Variants in AKAP6 observed in about 807,000 individuals in gnomAD.
The protein encoded by AKAP6 is A-kinase anchor protein 6.
Under a neutral mutation model 188.5 loss-of-function variants are expected in AKAP6, and 58 were observed. That is an observed-to-expected ratio of 0.31 (90% confidence interval 0.25 to 0.38). The LOEUF (loss-of-function observed/expected upper bound fraction) is 0.38. Among genes scored for constraint, AKAP6 ranks in the 10% least tolerant of loss-of-function variants. The pLI, the probability that AKAP6 is intolerant of heterozygous loss-of-function variation, is 1.00. For missense variants in AKAP6, 2,710 were observed against 2,740.0 expected (o/e 0.99, Z 0.24); for synonymous variants, 989 against 998.6 (o/e 0.99, Z 0.18).
chr14:32,486,924 G>C (rs1474002713), intron 2 of AKAP6, among the ~76,000 whole-genome samples: 1 of 152,188 alleles, frequency 6.6e-6, no homozygotes, highest in Non-Finnish European at 1.5e-5. Flanking sequence ...TCCAGCTTTT[G>C]CCCATTCGGT....
chr14:32,738,693 T>G (rs779759778), intron 11 of AKAP6, among the ~76,000 whole-genome samples: 1 of 152,162 alleles, frequency 6.6e-6, no homozygotes, highest in Non-Finnish European at 1.5e-5. Context: ...GGAAAATGAT[T>G]GTCTTTAAGT....
At position 32,726,173 on chromosome 14, in the gene AKAP6, T is replaced by C. The variant is rs569158182; in HGVS notation, c.3001-6281T>C. ...CCATAGACTTTTCATTACATTTTCA[T>C]TCAGGACAAACAACACCTGAAGATC... On this transcript the variant is annotated intron_variant, in intron 9 of 13. Coordinates refer to ENST00000280979, the MANE Select transcript of AKAP6 (RefSeq NM_004274.5). 7 of 983,904 alleles carry C rather than the reference T, an allele frequency of 7.1e-6. No homozygotes were observed. In the East Asian group the frequency reaches 8.0e-4, roughly 112 times the overall value. The allele number at this position is 983,904 out of a possible 1,614,324, so 60.9% of individuals were successfully genotyped here.
At chr14:32,420,992 A>T (rs1249360203) in intron 1 of AKAP6, among the ~76,000 whole-genome samples, 1 of 150,438 alleles carries the variant, frequency 6.6e-6, no homozygotes, top group East Asian at 2.0e-4. Flanking sequence ...AGTCTATATT[A>T]TTCTTGGTAT....
At chr14:32,786,664 G>A (rs1032326598) in intron 12 of AKAP6, among the ~76,000 whole-genome samples, 2 of 151,810 alleles carry the variant, frequency 1.3e-5, no homozygotes, top group African/African-American at 4.8e-5. Context: ...TGCCTTTCCT[G>A]TCTGTTTTCT....
chr14:32,801,393 A>G (rs1239926922), intron 12 of AKAP6, among the ~76,000 whole-genome samples: 3 of 152,210 alleles, frequency 2.0e-5, no homozygotes, highest in African/African-American at 7.2e-5. Context: ...ACTGCTTCGC[A>G]TGTATAGTGC....
intron 5 of AKAP6, among the ~76,000 whole-genome samples, chr14:32,578,837 G>T (rs778026215): frequency 6.6e-6 from 1 of 152,234 alleles, no homozygotes; most frequent in East Asian, 1.9e-4. Context: ...CCCCTTTGGA[G>T]GTTGAATGAT....
intron 9 of AKAP6, among the ~76,000 whole-genome samples, chr14:32,720,332 G>A (rs1166749325): frequency 6.6e-6 from 1 of 152,164 alleles, no homozygotes; most frequent in African/African-American, 2.4e-5. Context: ...TAGACTAAAG[G>A]CAAGTGAATA....
chr14:32,591,859 G>C (rs529462758), intron 5 of AKAP6, among the ~76,000 whole-genome samples: 10 of 152,110 alleles, frequency 6.6e-5, no homozygotes, highest in African/African-American at 2.4e-4. Flanking sequence ...GACAATTGTG[G>C]TAGCGGCTGA....
intron 4 of AKAP6, among the ~76,000 whole-genome samples, chr14:32,552,991 G>C (rs974959957): frequency 2.6e-5 from 4 of 151,828 alleles, no homozygotes; most frequent in African/African-American, 7.3e-5. Flanking sequence ...GAGTCACACA[G>C]AGCAGAAGGC....
At chr14:32,532,034 T>C (rs1047918504) in intron 2 of AKAP6, among the ~76,000 whole-genome samples, 2 of 152,198 alleles carry the variant, frequency 1.3e-5, no homozygotes, top group Non-Finnish European at 2.9e-5. Context: ...TTGGTAATTG[T>C]ATGCTTAATT....
intron 12 of AKAP6, among the ~76,000 whole-genome samples, chr14:32,785,584 T>C (rs926647077): frequency 6.6e-6 from 1 of 152,194 alleles, no homozygotes; most frequent in Non-Finnish European, 1.5e-5. Flanking sequence ...GGAAAACTGA[T>C]CTGACAGTTA....
intron 12 of AKAP6, among the ~76,000 whole-genome samples, chr14:32,813,718 A>T (rs928930818): frequency 6.6e-6 from 1 of 152,180 alleles, no homozygotes; most frequent in South Asian, 2.1e-4. Flanking sequence ...CTGAAGTTAC[A>T]GTAAGAAAGG....
intron 5 of AKAP6, among the ~76,000 whole-genome samples, chr14:32,581,271 C>G (rs1340210762): frequency 6.6e-6 from 1 of 152,142 alleles, no homozygotes; most frequent in African/African-American, 2.4e-5. Flanking sequence ...TATTCAGGAG[C>G]AGGTTGTTCA....
chr14:32,420,909 T>TTTTTTGTGTGTGTGTG (rs1555327187), intron 1 of AKAP6, among the ~76,000 whole-genome samples: 28 of 146,408 alleles, frequency 1.9e-4, no homozygotes, highest in African/African-American at 7.1e-4. Flanking sequence ...GGAGATTGAT[T>TTTTTTGTGTGTGTGTG]TGTGTGTGTG....
rs371584994 is a variant in AKAP6, at chr14:32,388,629, G to A, written c.-34-44831G>A. Reference sequence around the variant, plus strand: ...TGATCCAATGATCACTCAGGAGCAGGTTACTTAACTTCCATGTATTTGCAT... The same window carrying A: ...TGATCCAATGATCACTCAGGAGCAGATTACTTAACTTCCATGTATTTGCAT... On this transcript the variant is annotated intron_variant, in intron 1 of 13. Transcript: ENST00000280979. 1.3e-4 allele frequency among the ~76,000 whole-genome samples: 20 copies of A among 152,132 alleles called. No homozygotes were observed. In the East Asian group the frequency reaches 2.3e-3, roughly 18 times the overall value.
At chr14:32,566,870 C>G (rs1884213164) in intron 4 of AKAP6, among the ~76,000 whole-genome samples, 1 of 152,062 alleles carries the variant, frequency 6.6e-6, no homozygotes, top group East Asian at 1.9e-4. Flanking sequence ...TACACAGCAC[C>G]TAAGTTCTTC....
rs374447563 is a variant in AKAP6 at position 32,618,068 on chromosome 14, C to T, written c.2730+17276C>T. ...GAAGCTAGAACAATTAAATAAAACA[C>T]AGGGAAAGCTACTTTTTAATGCAAA... On this transcript the variant is annotated intron_variant, in intron 7 of 13. Coordinates refer to ENST00000280979, the MANE Select transcript of AKAP6 (RefSeq NM_004274.5). 1.1e-4 allele frequency among the ~76,000 whole-genome samples: 16 copies of T among 152,124 alleles called. No homozygotes were observed. The East Asian group carries it at 2.3e-3, about 22-fold the overall frequency.
In AKAP6 at chr14:32,348,096, C is replaced by G. The variant is rs527929805; in HGVS notation, c.-35+18688C>G. The stretch of plus-strand genomic sequence containing the variant: ...GATACAGATGAAGTGCTGGGCAGGT[C>G]AAGAACCTGGAAGACACAGCTGGGT... On this transcript the variant is annotated intron_variant, in intron 1 of 13. Transcript: ENST00000280979. Among the ~76,000 whole-genome samples, 10 of 152,260 alleles carry G rather than the reference C, an allele frequency of 6.6e-5. No individual in the cohort carries two copies. In the South Asian group the frequency reaches 1.7e-3, roughly 25 times the overall value.
At chr14:32,607,919 T>G (rs1886189255) in intron 7 of AKAP6, among the ~76,000 whole-genome samples, 1 of 152,154 alleles carries the variant, frequency 6.6e-6, no homozygotes, top group Admixed American at 6.5e-5. Flanking sequence ...TTTTTCGTTA[T>G]CAGAAGGGCA....
Sources: gnomAD v4.1 joint callset for allele counts (sites outside exome capture counted in the v4.1 genomes callset) on GRCh38, gnomAD v4.1.1 for gene constraint, MANE v1.5 for transcripts, NCBI Gene and HGNC (gene_info 2026-07-23, HGNC 2026-07-21) for gene names.